The following ZMAT4 variants were observed in gnomAD, a reference collection of about 807,000 sequenced individuals.
ZMAT4 encodes zinc finger matrin-type protein 4.
A neutral mutation model predicts 28.7 loss-of-function variants in ZMAT4; 17 were observed. The ratio of observed to expected loss-of-function variants is 0.59; its 90% CI spans 0.41 to 0.89. The LOEUF (loss-of-function observed/expected upper bound fraction) is 0.89, where lower values mean the gene tolerates loss of function less well. Among genes scored for constraint, ZMAT4 ranks in the 40% least tolerant of loss-of-function variants. ZMAT4 has a pLI of 0.00. For synonymous variants in ZMAT4, 117 were observed against 109.2 expected, an observed-to-expected ratio of 1.07 and a Z score of -0.44; for missense variants, 240 against 283.8, an observed-to-expected ratio of 0.85 and a Z score of 1.11.
At chr8:40,597,115 G>A (rs1805132200) in intron 5 of ZMAT4, among the ~76,000 whole-genome samples, 1 of 152,182 alleles carries the variant, frequency 6.6e-6, no homozygotes. Flanking sequence ...CATATTTCTT[G>A]TAGGAGCAAT....
chr8:40,688,874 A>C (rs747807281), intron 4 of ZMAT4, among the ~76,000 whole-genome samples: 5 of 152,184 alleles, frequency 3.3e-5, no homozygotes, highest in African/African-American at 9.6e-5. Flanking sequence ...TAGGCTCTGA[A>C]GTCTGGTTTT....
chr8:40,579,932 A>T (rs927958636), intron 6 of ZMAT4, among the ~76,000 whole-genome samples: 1 of 151,692 alleles, frequency 6.6e-6, no homozygotes, highest in Admixed American at 6.6e-5. Flanking sequence ...CACACGTGGC[A>T]TTAGAGAACA....
chr8:40,705,351 G>A (rs1411063323), intron 3 of ZMAT4, among the ~76,000 whole-genome samples: 2 of 152,128 alleles, frequency 1.3e-5, no homozygotes, highest in Non-Finnish European at 1.5e-5. Context: ...GCCCGAGAGA[G>A]CAAAGGTGGG....
At chr8:40,821,256 A>AT (rs1344916454) in intron 2 of ZMAT4, among the ~76,000 whole-genome samples, 2 of 150,932 alleles carry the variant, frequency 1.3e-5, no homozygotes, top group African/African-American at 4.9e-5. Context: ...CAAACCACAC[A>AT]AATGGCCTCC....
intron 3 of ZMAT4, among the ~76,000 whole-genome samples, chr8:40,725,953 G>A (rs770345276): frequency 1.9e-4 from 29 of 152,190 alleles, no homozygotes; most frequent in Non-Finnish European, 3.4e-4. Context: ...GCTAAGCCAG[G>A]ATGCTCCAAT....
chr8:40,842,572 A>G (rs1419849920), intron 1 of ZMAT4, among the ~76,000 whole-genome samples: 1 of 152,056 alleles, frequency 6.6e-6, no homozygotes, highest in South Asian at 2.1e-4. Context: ...GCACTCTTCC[A>G]CTTGATTTGG....
intron 3 of ZMAT4, among the ~76,000 whole-genome samples, chr8:40,749,992 CG>C (rs1474039222): frequency 6.6e-6 from 1 of 152,134 alleles, no homozygotes; most frequent in Non-Finnish European, 1.5e-5. Flanking sequence ...GTTTGCCAGA[CG>C]TAAGTCCAAA....
intron 1 of ZMAT4, among the ~76,000 whole-genome samples, chr8:40,852,282 G>C (rs1314757201): frequency 1.3e-5 from 2 of 151,996 alleles, no homozygotes; most frequent in African/African-American, 4.8e-5. Flanking sequence ...AACTTTTGTT[G>C]AGCTTCCTGC....
intron 5 of ZMAT4, among the ~76,000 whole-genome samples, chr8:40,620,632 A>T (rs1018645720): frequency 6.6e-6 from 1 of 152,198 alleles, no homozygotes; most frequent in African/African-American, 2.4e-5. Flanking sequence ...CCAATTAACA[A>T]TTCCTCACTC....
chr8:40,669,234 T>A (rs1808568269), intron 5 of ZMAT4, among the ~76,000 whole-genome samples: 2 of 152,144 alleles, frequency 1.3e-5, no homozygotes, highest in African/African-American at 4.8e-5. Flanking sequence ...AGAAAACAAG[T>A]CGATGTTAGA....
At chr8:40,618,248 T>G (rs1806081964) in intron 5 of ZMAT4, among the ~76,000 whole-genome samples, 1 of 152,174 alleles carries the variant, frequency 6.6e-6, no homozygotes, top group Non-Finnish European at 1.5e-5. Flanking sequence ...AAATTCTTTG[T>G]CCTGGCATGA....
In ZMAT4 at chr8:40,788,305, C is replaced by T. The variant is rs1313131112; in HGVS notation, c.103-20575G>A. Among the ~76,000 whole-genome samples, 3 of 152,134 alleles carry T rather than the reference C, an allele frequency of 2.0e-5. No individual in the cohort carries two copies. The East Asian group carries it at 5.8e-4, about 29-fold the overall frequency. On this transcript the variant is annotated intron_variant, in intron 2 of 6. Coordinates refer to ENST00000297737, the MANE Select transcript of ZMAT4 (RefSeq NM_024645.3). ...CTACCAAAGCTTAAGAATAAATAGG[C>T]TGGGCACGGTGGCTCACGCCTGTAA... is the stretch of plus-strand genomic sequence containing the variant.
rs796578030 is a variant in ZMAT4 at position 40,804,439 on chromosome 8, T to A, written c.102+21136A>T. On this transcript the variant is annotated intron_variant, in intron 2 of 6. Transcript: ENST00000297737. ...ATTTTGAAAACAGAACCACAACATA[T>A]CTGGGAAATGGATAAATCAGTCAAT... Among the ~76,000 whole-genome samples, 7 of 152,288 alleles carry A rather than the reference T, an allele frequency of 4.6e-5. 1 individual carries two copies. Among genetic ancestry groups the A allele is most frequent in the African/African-American group, 1.7e-4 (7 of 41,554 alleles).
chr8:40,809,638 T>C (rs1169584707), intron 2 of ZMAT4, among the ~76,000 whole-genome samples: 3 of 152,242 alleles, frequency 2.0e-5, no homozygotes, highest in Non-Finnish European at 4.4e-5. Flanking sequence ...TGTGTTCTCA[T>C]GGTTTATATG....
chr8:40,580,319 C>T (rs1351038091), intron 6 of ZMAT4, among the ~76,000 whole-genome samples: 1 of 152,040 alleles, frequency 6.6e-6, no homozygotes, highest in African/African-American at 2.4e-5. Flanking sequence ...GCCTATTCAT[C>T]TTTTCTTCCC....
chr8:40,686,182 T>C (rs1809396086), intron 4 of ZMAT4, among the ~76,000 whole-genome samples: 1 of 152,104 alleles, frequency 6.6e-6, no homozygotes, highest in Non-Finnish European at 1.5e-5. Context: ...GACTATTTTA[T>C]TAAGATGTAT....
intron 3 of ZMAT4, among the ~76,000 whole-genome samples, chr8:40,750,144 G>A (rs997567020): frequency 6.6e-6 from 1 of 152,134 alleles, no homozygotes; most frequent in African/African-American, 2.4e-5. Context: ...GTCACATGAA[G>A]TTATAAATGT....
At chr8:40,845,796 A>AAG (rs1355528271) in intron 1 of ZMAT4, among the ~76,000 whole-genome samples, 4 of 120,684 alleles carry the variant, frequency 3.3e-5, no homozygotes, top group East Asian at 4.9e-4. Context: ...AAAAAAAAAA[A>AAG]AGAGAGAGAG....
At chr8:40,543,384 G>T (rs1803103413) in intron 6 of ZMAT4, among the ~76,000 whole-genome samples, 1 of 152,218 alleles carries the variant, frequency 6.6e-6, no homozygotes, top group African/African-American at 2.4e-5. Flanking sequence ...GGCAGCGATG[G>T]GTGTAGCGTC....
Sources: gnomAD v4.1 joint callset for allele counts (sites outside exome capture counted in the v4.1 genomes callset) on GRCh38, gnomAD v4.1.1 for gene constraint, MANE v1.5 for transcripts, NCBI Gene and HGNC (gene_info 2026-07-23, HGNC 2026-07-21) for gene names.